RPS6KA2: variants seen among roughly 807,000 people sequenced by gnomAD.
RPS6KA2 encodes the protein ribosomal protein S6 kinase A2, also known as ribosomal protein S6 kinase alpha-2.
Under a neutral mutation model 91.8 loss-of-function variants are expected in RPS6KA2, and 42 were observed. The ratio of observed to expected loss-of-function variants is 0.46; its 90% CI spans 0.36 to 0.59. The LOEUF (loss-of-function observed/expected upper bound fraction) is 0.59, where lower values mean the gene tolerates loss of function less well. Among genes scored for constraint, RPS6KA2 ranks in the 20% least tolerant of loss-of-function variants. The pLI is 0.00. For synonymous variants in RPS6KA2, 414 were observed against 393.6 expected (o/e 1.05, Z -0.61); for missense variants, 798 against 978.5 (o/e 0.82, Z 2.46).
chr6:166,681,422 G>A (rs986314398), intron 2 of RPS6KA2, among the ~76,000 whole-genome samples: 8 of 152,092 alleles, frequency 5.3e-5, no homozygotes, highest in Non-Finnish European at 8.8e-5. Flanking sequence ...TCTAGATTCC[G>A]TCTTGACATA....
intron 2 of RPS6KA2, among the ~76,000 whole-genome samples, chr6:166,664,672 T>A (rs769300059): frequency 2.0e-5 from 3 of 152,232 alleles, no homozygotes; most frequent in Admixed American, 1.3e-4. Context: ...CCACAGAGAA[T>A]TGCAAAACTT....
intron 2 of RPS6KA2, among the ~76,000 whole-genome samples, chr6:166,658,112 C>T (rs1788052858): frequency 6.6e-6 from 1 of 152,172 alleles, no homozygotes; most frequent in South Asian, 2.1e-4. Flanking sequence ...AAACTCCCGA[C>T]CTCAGGTGAT....
intron 1 of RPS6KA2, among the ~76,000 whole-genome samples, chr6:166,601,940 G>A (rs146337274): frequency 1.3e-5 from 2 of 152,286 alleles, no homozygotes; most frequent in East Asian, 3.9e-4. Context: ...TAAAAGATTG[G>A]CCACAAACTT....
At chr6:166,461,829 T>A (rs1780320249) in intron 11 of RPS6KA2, among the ~76,000 whole-genome samples, 1 of 152,226 alleles carries the variant, frequency 6.6e-6, no homozygotes, top group Non-Finnish European at 1.5e-5. Context: ...TCTTCCTCCA[T>A]CATCCTGGGG....
chr6:166,580,100 C>T (rs1311468617), intron 1 of RPS6KA2, among the ~76,000 whole-genome samples: 2 of 152,342 alleles, frequency 1.3e-5, no homozygotes, highest in East Asian at 1.9e-4. Flanking sequence ...TTTGGGCCCC[C>T]GGGCCTGCCC....
Position 166,831,087 on chromosome 6 carries a change from G to C in RPS6KA2, c.123+27113C>G, listed in dbSNP as rs544893817. On this transcript the variant is annotated intron_variant, in intron 2 of 21. Transcript: ENST00000503859. ...TGGAGCCCAGACCCTCCAGTGGCAG[G>C]GGGTATTGGGTCCATCCACGGAGAG... Among the ~76,000 whole-genome samples, 13 of 152,230 alleles carry C rather than the reference G, an allele frequency of 8.5e-5. No homozygotes were observed. The South Asian group carries it at 2.7e-3, about 32-fold the overall frequency.
At chr6:166,790,873 T>C (rs1219904462) in intron 2 of RPS6KA2, among the ~76,000 whole-genome samples, 1 of 151,940 alleles carries the variant, frequency 6.6e-6, no homozygotes, top group East Asian at 1.9e-4. Flanking sequence ...GCACTAAACA[T>C]GGAAAGGAAC....
chr6:166,485,969 G>A (rs776466462), intron 10 of RPS6KA2, among the ~76,000 whole-genome samples: 23 of 152,196 alleles, frequency 1.5e-4, no homozygotes, highest in South Asian at 4.1e-4. Context: ...CCCTTGCTGC[G>A]TTTCCTGAGC....
intron 16 of RPS6KA2, among the ~76,000 whole-genome samples, chr6:166,429,203 G>T (rs1480729372): frequency 6.8e-6 from 1 of 147,778 alleles, no homozygotes; most frequent in Non-Finnish European, 1.5e-5. Context: ...ACCAAACACT[G>T]CATGTTCTCA....
Position 166,437,560 on chromosome 6 carries a change from G to A in RPS6KA2, c.1333-5070C>T, listed in dbSNP as rs1223936477. On this transcript the variant is annotated intron_variant, in intron 14 of 20. Coordinates refer to ENST00000265678, the MANE Select transcript of RPS6KA2 (RefSeq NM_021135.6). This position sits in a 1 kb window ranked among gnomAD's most constrained non-coding sequence, Gnocchi z 4.3. ...AACCTCCAGAGAAGGGCATTCTCCA[G>A]GGGTTGGCCACCCACCACAGCCGGT... is the stretch of plus-strand genomic sequence containing the variant. Among the ~76,000 whole-genome samples, 2 of 152,322 alleles carry A rather than the reference G, an allele frequency of 1.3e-5. No homozygotes were observed. Among genetic ancestry groups the A allele is most frequent in the African/African-American group, 4.8e-5 (2 of 41,562 alleles).
chr6:166,651,721 G>A (rs1787859895), intron 2 of RPS6KA2, among the ~76,000 whole-genome samples: 1 of 152,230 alleles, frequency 6.6e-6, no homozygotes, highest in South Asian at 2.1e-4. Flanking sequence ...ATCTGATGAC[G>A]ATGGTGTTTA....
chr6:166,536,596 T>C (rs1278402703), intron 2 of RPS6KA2, among the ~76,000 whole-genome samples: 1 of 152,098 alleles, frequency 6.6e-6, no homozygotes, highest in Non-Finnish European at 1.5e-5. Context: ...CTTTCCAGAG[T>C]CCAGCTCGCA....
At chr6:166,443,616 C>T (rs1311040826) in intron 14 of RPS6KA2, among the ~76,000 whole-genome samples, 1 of 152,226 alleles carries the variant, frequency 6.6e-6, no homozygotes, top group Non-Finnish European at 1.5e-5. Context: ...CTGTGAAATT[C>T]TTACGGTAGT....
At chr6:166,806,961 A>G (rs923024167) in intron 2 of RPS6KA2, among the ~76,000 whole-genome samples, 5 of 152,264 alleles carry the variant, frequency 3.3e-5, no homozygotes, top group African/African-American at 9.6e-5. Flanking sequence ...TTACAATTTT[A>G]TAATGTTAAA....
chr6:166,481,190 G>A (rs1781202001), intron 10 of RPS6KA2, among the ~76,000 whole-genome samples: 1 of 152,196 alleles, frequency 6.6e-6, no homozygotes, highest in Admixed American at 6.5e-5. Flanking sequence ...CATTTTTCAA[G>A]TTTAAAAGGC....
chr6:166,784,763 G>T (rs1391269779), intron 2 of RPS6KA2, among the ~76,000 whole-genome samples: 1 of 139,370 alleles, frequency 7.2e-6, no homozygotes, highest in Non-Finnish European at 1.6e-5. Flanking sequence ...ACCTATGTAT[G>T]CATGTCTATA....
At chr6:166,416,935 G>T (rs1228377760) in intron 19 of RPS6KA2, among the ~76,000 whole-genome samples, 1 of 152,146 alleles carries the variant, frequency 6.6e-6, no homozygotes, top group Non-Finnish European at 1.5e-5. Context: ...CACGCTCACT[G>T]CATGAAGTTG....
intron 2 of RPS6KA2, among the ~76,000 whole-genome samples, chr6:166,763,559 T>A (rs542346541): frequency 6.6e-6 from 1 of 152,260 alleles, no homozygotes; most frequent in Non-Finnish European, 1.5e-5. Flanking sequence ...TCTATAACGA[T>A]TTACCAAAGA....
intron 10 of RPS6KA2, 85 bp from the exon 11 acceptor site, chr6:166,469,990 G>T: frequency 8.0e-7 from 1 of 1,257,312 alleles, no homozygotes; most frequent in Non-Finnish European, 1.2e-6. Flanking sequence ...TGGAGGGTGG[G>T]GATGTGCAGA....
Sources: gnomAD v4.1 joint callset for allele counts (sites outside exome capture counted in the v4.1 genomes callset) on GRCh38, gnomAD v4.1.1 for gene constraint, Gnocchi (gnomAD v3.1) non-coding constraint, MANE v1.5 for transcripts, NCBI Gene and HGNC (gene_info 2026-07-23, HGNC 2026-07-21) for gene names.